Variants in PRKN observed in about 807,000 individuals in gnomAD.
PRKN encodes E3 ubiquitin-protein ligase parkin.
Under a neutral mutation model 59.5 loss-of-function variants are expected in PRKN, and 56 were observed. That is an observed-to-expected ratio of 0.94 (90% CI 0.76 to 1.18). The LOEUF (loss-of-function observed/expected upper bound fraction) is 1.18, where lower values mean the gene tolerates loss of function less well. Ranked by LOEUF, PRKN falls within the 50% of genes most tolerant of loss-of-function variation. The pLI is 0.00. For synonymous variants in PRKN, 250 were observed against 222.1 expected (o/e 1.13, Z -1.12); for missense variants, 657 against 596.4 (o/e 1.10, Z -1.06).
chr6:162,522,366 C>T (rs1467626878), intron 1 of PRKN, among the ~76,000 whole-genome samples: 3 of 152,184 alleles, frequency 2.0e-5, no homozygotes, highest in Admixed American at 6.5e-5. Flanking sequence ...TTCAGTGATT[C>T]GCCCGCCTCG....
At chr6:161,604,898 G>A (rs371540965) in intron 7 of PRKN, among the ~76,000 whole-genome samples, 3 of 152,244 alleles carry the variant, frequency 2.0e-5, no homozygotes, top group African/African-American at 4.8e-5. Flanking sequence ...TGATACCACT[G>A]CATTCCAGCC....
rs1267925034 is a variant in PRKN at position 161,874,993 on chromosome 6, T to TAA, written c.735-89086_735-89085insTT. Reference sequence around the variant, plus strand: ...ATAATTTATTATATTATATACTTTATATATAATATATTATATATTATATAT... The same window carrying TAA: ...ATAATTTATTATATTATATACTTTATAAATATAATATATTATATATTATATAT... On this transcript the variant is annotated intron_variant, in intron 6 of 11. Transcript: ENST00000366898. 1.8e-4 allele frequency among the ~76,000 whole-genome samples: 12 copies of TAA among 65,872 alleles called. No homozygotes were observed. The East Asian group carries it at 3.9e-3, about 22-fold the overall frequency. The allele number at this position is 65,872 out of a possible 152,430, so 43.2% of individuals were successfully genotyped here. A position where few individuals can be genotyped will look rare whatever the true frequency, so the allele number is the denominator to read the frequency against.
intron 7 of PRKN, among the ~76,000 whole-genome samples, chr6:161,732,690 G>A (rs956727934): frequency 1.3e-5 from 2 of 152,080 alleles, no homozygotes; most frequent in East Asian, 1.9e-4. Flanking sequence ...GATAATGGCC[G>A]TCACCTCCAT....
chr6:161,829,841 C>T (rs1792405137), intron 6 of PRKN, among the ~76,000 whole-genome samples: 1 of 119,092 alleles, frequency 8.4e-6, no homozygotes, highest in South Asian at 2.6e-4. Context: ...CCACTTAGCA[C>T]TAAATGCCAA....
intron 9 of PRKN, among the ~76,000 whole-genome samples, chr6:161,500,116 G>A (rs1777903002): frequency 6.6e-6 from 1 of 152,166 alleles, no homozygotes; most frequent in African/African-American, 2.4e-5. Context: ...AAAGTCAGTT[G>A]TGTCAAAACT....
At chr6:161,481,566 T>A (rs980909213) in intron 9 of PRKN, among the ~76,000 whole-genome samples, 1 of 151,788 alleles carries the variant, frequency 6.6e-6, no homozygotes, top group Non-Finnish European at 1.5e-5. Context: ...GTCGCACCAC[T>A]GCACTAGAAC....
At chr6:161,874,816 GTATA>G (rs1794624974) in intron 6 of PRKN, among the ~76,000 whole-genome samples, 2 of 93,560 alleles carry the variant, frequency 2.1e-5, no homozygotes, top group African/African-American at 1.1e-4. Context: ...TATATAAAAT[GTATA>G]ATATATAAAA....
Position 161,692,124 on chromosome 6 carries a change from G to A in PRKN, c.871+93648C>T, listed in dbSNP as rs200855881. 3.3e-5 allele frequency among the ~76,000 whole-genome samples: 5 copies of A among 152,242 alleles called. No individual in the cohort carries two copies. In the South Asian group the frequency reaches 6.2e-4, roughly 19 times the overall value. On this transcript the variant is annotated intron_variant, in intron 7 of 11. Coordinates refer to ENST00000366898, the MANE Select transcript of PRKN (RefSeq NM_004562.3). ...AAGATGCAGGCGAAACTTGAATATC[G>A]GTGTGGGTTTTGCATGGCAAACACT... is the stretch of plus-strand genomic sequence containing the variant.
intron 10 of PRKN, among the ~76,000 whole-genome samples, chr6:161,383,893 G>A (rs1028517693): frequency 3.3e-5 from 5 of 152,208 alleles, no homozygotes; most frequent in East Asian, 1.9e-4. Flanking sequence ...GTTGCTTTCC[G>A]TTGTCTGGCA....
intron 2 of PRKN, among the ~76,000 whole-genome samples, chr6:162,310,683 A>G (rs1372259104): frequency 6.6e-6 from 1 of 152,022 alleles, no homozygotes; most frequent in African/African-American, 2.4e-5. Context: ...AACATGGCAC[A>G]TGTATACATA....
chr6:162,192,674 C>T (rs1784334179), intron 4 of PRKN, among the ~76,000 whole-genome samples: 1 of 151,300 alleles, frequency 6.6e-6, no homozygotes, highest in Non-Finnish European at 1.5e-5. Flanking sequence ...AGTAGTCACT[C>T]CTTATAGTAT....
At chr6:161,875,445 G>A (rs79667557) in intron 6 of PRKN, among the ~76,000 whole-genome samples, 22,201 of 151,704 alleles carry the variant, frequency 0.15, 1,818 homozygotes, top group African/African-American at 0.17. Context: ...TGCCTGCCTC[G>A]GCCTCCCAAA....
At chr6:161,897,261 G>A (rs1160144225) in intron 6 of PRKN, among the ~76,000 whole-genome samples, 1 of 152,106 alleles carries the variant, frequency 6.6e-6, no homozygotes, top group Non-Finnish European at 1.5e-5. Flanking sequence ...ATTTAGCAGT[G>A]AAGAATGCAG....
rs1159247413 is a variant in PRKN, at chr6:161,399,350, T to A, written c.1084-12473A>T. 6.6e-6 allele frequency among the ~76,000 whole-genome samples: 1 copy of A among 152,082 alleles called. No individual in the cohort carries two copies. The highest frequency in any genetic ancestry group is 2.4e-5 in the African/African-American group (1 of 41,402). On this transcript the variant is annotated intron_variant, in intron 9 of 11. Transcript: ENST00000366898. This position sits in a 1 kb window ranked among gnomAD's most constrained non-coding sequence, Gnocchi z 4.4. ...TCTGCCCTTGCAAAAAGGCAGAGGG[T>A]CCACTGAGCTGTTTAACACTTAAGC...
intron 1 of PRKN, among the ~76,000 whole-genome samples, chr6:162,706,886 T>C (rs1292483952): frequency 6.6e-6 from 1 of 152,230 alleles, no homozygotes; most frequent in Non-Finnish European, 1.5e-5. Context: ...ACTGATTATA[T>C]TGACCATATA....
intron 7 of PRKN, among the ~76,000 whole-genome samples, chr6:161,766,313 C>CTTTTTTTTTTTTTTTTTTTTTTTTTTTT (rs1583130349): frequency 1.2e-5 from 1 of 82,582 alleles, no homozygotes; most frequent in African/African-American, 4.1e-5. Context: ...TCATTGACCA[C>CTTTTTTTTTTTTTTTTTTTTTTTTTTTT]ATTTTTTTTT....
intron 2 of PRKN, among the ~76,000 whole-genome samples, chr6:162,431,317 G>A (rs545657117): frequency 2.0e-5 from 3 of 152,278 alleles, no homozygotes; most frequent in South Asian, 2.1e-4. Context: ...TCATCAATGC[G>A]CACAGAAACT....
intron 7 of PRKN, among the ~76,000 whole-genome samples, chr6:161,763,068 A>C (rs1789269178): frequency 6.6e-6 from 1 of 152,228 alleles, no homozygotes; most frequent in Non-Finnish European, 1.5e-5. Context: ...AAGGAGAGTC[A>C]ACATTGTACT....
At chr6:162,381,181 G>A (rs113897151) in intron 2 of PRKN, among the ~76,000 whole-genome samples, 24 of 152,152 alleles carry the variant, frequency 1.6e-4, no homozygotes, top group Admixed American at 2.6e-4. Flanking sequence ...TCTGGGCATC[G>A]TCTCCATTGG....
Sources: allele counts gnomAD v4.1 joint callset (sites outside exome capture counted in the v4.1 genomes callset), GRCh38; gene constraint gnomAD v4.1.1; non-coding constraint Gnocchi (gnomAD v3.1); transcripts MANE v1.5; gene names NCBI Gene and HGNC (gene_info 2026-07-23, HGNC 2026-07-21).